CCDC73: variants seen among roughly 807,000 people sequenced by gnomAD.
CCDC73 encodes the protein coiled-coil domain-containing protein 73.
In CCDC73, 95 loss-of-function variants were observed where a neutral mutation model predicts 116.5. That is an observed-to-expected ratio of 0.82 (90% CI 0.69 to 0.97). CCDC73 has a LOEUF of 0.97. CCDC73 is among the 50% of genes least tolerant of loss of function. The pLI is 0.00. For missense variants in CCDC73, 1,066 were observed against 1,206.8 expected (o/e 0.88, Z 1.73); for synonymous variants, 398 against 401.3 (o/e 0.99, Z 0.10).
chr11:32,829,970 C>A, the CCDC73 span: 5 of 985,504 alleles, frequency 5.1e-6, no homozygotes, highest in Non-Finnish European at 6.0e-6. Context: ...CCTCACCCCG[C>A]GCGTGTTCCC....
rs1371696446 is a variant in CCDC73 at position 32,642,038 on chromosome 11, T to A, written c.984A>T (p.Glu328Asp). The change falls in exon 13 of 18, where the codon GAA becomes GAT. Residue 328 changes from glutamate to aspartate, a missense_variant. Glu to Asp is a conservative substitution (Grantham distance 45). Coordinates refer to ENST00000335185, the MANE Select transcript of CCDC73 (RefSeq NM_001008391.4). Reference sequence around the variant, plus strand: ...GAAGATTAAGAAACTTTTCTTCATTTTCTTTTACCTTCTCCCTTTGCAGCT... The same window carrying A: ...GAAGATTAAGAAACTTTTCTTCATTATCTTTTACCTTCTCCCTTTGCAGCT... ...DNELQREKVK[E>D]NEEKFLNLQN... 6.4e-7 allele frequency: 1 copy of A among 1,568,996 alleles called. No homozygotes were observed. The highest frequency in any genetic ancestry group is 1.8e-5 in the Admixed American group (1 of 56,606).
At chr11:32,731,914 AC>A (rs777700662) in intron 2 of CCDC73, among the ~76,000 whole-genome samples, 3 of 152,236 alleles carry the variant, frequency 2.0e-5, no homozygotes, top group Non-Finnish European at 2.9e-5. Context: ...ACGGAGAATG[AC>A]TTTGACAAGT....
chr11:32,687,013 T>C (rs1312132479), intron 6 of CCDC73, among the ~76,000 whole-genome samples: 2 of 152,176 alleles, frequency 1.3e-5, no homozygotes, highest in African/African-American at 4.8e-5. Context: ...TTATGGAAAA[T>C]TATAAGAAAA....
At chr11:32,754,763 G>GA (rs1850317291) in intron 2 of CCDC73, among the ~76,000 whole-genome samples, 1 of 150,912 alleles carries the variant, frequency 6.6e-6, no homozygotes, top group African/African-American at 2.4e-5. Flanking sequence ...CATTTTTCTG[G>GA]AAAAAGAAAA....
intron 14 of CCDC73, among the ~76,000 whole-genome samples, chr11:32,628,187 C>G (rs1590553765): frequency 6.6e-6 from 1 of 152,224 alleles, no homozygotes; most frequent in East Asian, 1.9e-4. Context: ...AAATTGCGTT[C>G]TCTGAGAGAA....
intron 9 of CCDC73, among the ~76,000 whole-genome samples, chr11:32,658,940 T>C (rs1855897880): frequency 6.6e-6 from 1 of 152,112 alleles, no homozygotes; most frequent in African/African-American, 2.4e-5. Flanking sequence ...AAATAGAAAG[T>C]GTGCTTCACT....
the CCDC73 span, chr11:32,830,161 CG>C: frequency 9.8e-6 from 10 of 1,021,458 alleles, no homozygotes; most frequent in Non-Finnish European, 1.1e-5. Context: ...GGAACATGTG[CG>C]GGGGGACACA....
chr11:32,830,500 T>G, the CCDC73 span: 6 of 1,487,326 alleles, frequency 4.0e-6, no homozygotes, highest in Non-Finnish European at 5.3e-6. Context: ...TTTTTTTGTT[T>G]GTTTTAGTTT....
At chr11:32,694,205 A>G (rs1590598211) in intron 6 of CCDC73, among the ~76,000 whole-genome samples, 1 of 152,226 alleles carries the variant, frequency 6.6e-6, no homozygotes, top group African/African-American at 2.4e-5. Flanking sequence ...CTGATAAGCA[A>G]CTTCAGCAAA....
At chr11:32,761,167 G>T (rs1023387385) in intron 1 of CCDC73, among the ~76,000 whole-genome samples, 1 of 151,786 alleles carries the variant, frequency 6.6e-6, no homozygotes, top group Non-Finnish European at 1.5e-5. Context: ...ATCTATCTCC[G>T]TAATTTTGTT....
chr11:32,786,198 T>G (rs1427614973), intron 1 of CCDC73, among the ~76,000 whole-genome samples: 1 of 151,684 alleles, frequency 6.6e-6, no homozygotes, highest in Non-Finnish European at 1.5e-5. Flanking sequence ...CCAACAGTGA[T>G]TCCATATAGA....
intron 7 of CCDC73, among the ~76,000 whole-genome samples, chr11:32,678,011 G>A (rs551342047): frequency 4.9e-4 from 74 of 149,822 alleles, no homozygotes; most frequent in African/African-American, 1.8e-3. Context: ...GAGCACAGTG[G>A]CTCAGGCCTG....
the CCDC73 span, chr11:32,830,493 T>TTTTG: frequency 2.7e-6 from 4 of 1,458,334 alleles, no homozygotes; most frequent in Non-Finnish European, 1.8e-6. Flanking sequence ...TAATATTTTT[T>TTTTG]TTTGTTTGTT....
chr11:32,690,582 G>A lies in CCDC73; in HGVS notation c.391-7008C>T, dbSNP rs115153116. ...CGTCCCCCTAGTGCTGCCTCATGACGGAATTCTCATGAGATCTGGTTGTTT... is the reference window on the plus strand; with the variant it reads ...CGTCCCCCTAGTGCTGCCTCATGACAGAATTCTCATGAGATCTGGTTGTTT... On this transcript the variant is annotated intron_variant, in intron 6 of 17. Transcript: ENST00000335185. Among the ~76,000 whole-genome samples, 1,095 of 152,198 alleles carry A rather than the reference G, an allele frequency of 7.2e-3. 17 individuals carry two copies. Among genetic ancestry groups the A allele is most frequent in the African/African-American group, 0.025 (1,050 of 41,492 alleles).
chr11:32,648,169 T>C (rs961606377), intron 12 of CCDC73, among the ~76,000 whole-genome samples: 3 of 152,218 alleles, frequency 2.0e-5, no homozygotes, highest in African/African-American at 7.2e-5. Flanking sequence ...ATACTGTACT[T>C]CTAGAGGCAC....
intron 3 of CCDC73, among the ~76,000 whole-genome samples, chr11:32,716,939 T>A (rs1849951445): frequency 7.2e-5 from 11 of 152,216 alleles, no homozygotes; most frequent in Admixed American, 7.2e-4. Context: ...AAACAAGATA[T>A]AACTTTACAT....
chr11:32,765,291 C>A (rs543457290), intron 1 of CCDC73, among the ~76,000 whole-genome samples: 1 of 152,316 alleles, frequency 6.6e-6, no homozygotes, highest in African/African-American at 2.4e-5. Context: ...GAACTCTCCA[C>A]CCCAAATCGA....
chr11:32,828,864 T>G, the CCDC73 span, among the ~76,000 whole-genome samples: 1 of 152,382 alleles, frequency 6.6e-6, no homozygotes, highest in Non-Finnish European at 1.5e-5. Context: ...CAAAGCTTAC[T>G]TTTTGTTATG....
chr11:32,828,743 C>T, the CCDC73 span, among the ~76,000 whole-genome samples: 1 of 152,134 alleles, frequency 6.6e-6, no homozygotes, highest in Non-Finnish European at 1.5e-5. Flanking sequence ...CGCTCTTTTA[C>T]ATTATCAAGG....
Sources: allele counts gnomAD v4.1 joint callset (sites outside exome capture counted in the v4.1 genomes callset), GRCh38; gene constraint gnomAD v4.1.1; transcripts MANE v1.5; gene names NCBI Gene and HGNC (gene_info 2026-07-23, HGNC 2026-07-21).